The following CNTNAP2 variants were observed in gnomAD, a reference collection of about 807,000 sequenced individuals.
CNTNAP2 encodes contactin-associated protein-like 2.
CNTNAP2 carries 98 observed loss-of-function variants against 155.2 expected under a neutral mutation model. The ratio of observed to expected loss-of-function variants is 0.63; its 90% CI spans 0.54 to 0.75. CNTNAP2 has a LOEUF of 0.75. CNTNAP2 is among the 30% of genes least tolerant of loss of function. The pLI is 0.00. For synonymous variants in CNTNAP2, 651 were observed against 631.2 expected (o/e 1.03, Z -0.47); for missense variants, 1,727 against 1,688.1 (o/e 1.02, Z -0.40).
chr7:146,901,977 G>A (rs1416659726), intron 3 of CNTNAP2, among the ~76,000 whole-genome samples: 3 of 145,088 alleles, frequency 2.1e-5, no homozygotes, highest in African/African-American at 2.5e-5. Context: ...CCGGGTTCAC[G>A]CCATTCTCCT....
intron 1 of CNTNAP2, among the ~76,000 whole-genome samples, chr7:146,549,867 C>G (rs1798088610): frequency 6.6e-6 from 1 of 152,034 alleles, no homozygotes; most frequent in Non-Finnish European, 1.5e-5. Flanking sequence ...CATATATCAA[C>G]CTCCCTGTCA....
At chr7:147,337,205 T>A (rs1179947356) in intron 9 of CNTNAP2, among the ~76,000 whole-genome samples, 1 of 152,026 alleles carries the variant, frequency 6.6e-6, no homozygotes, top group Non-Finnish European at 1.5e-5. Flanking sequence ...AAGGGAAGGT[T>A]AGGATGTATG....
chr7:146,700,874 G>T (rs570229810), intron 1 of CNTNAP2, among the ~76,000 whole-genome samples: 115 of 152,172 alleles, frequency 7.6e-4, no homozygotes, highest in Non-Finnish European at 1.4e-3. Flanking sequence ...AAATACTGCA[G>T]ACTCAATATA....
chr7:146,819,599 T>C (rs1397746588), intron 2 of CNTNAP2, among the ~76,000 whole-genome samples: 1 of 152,170 alleles, frequency 6.6e-6, no homozygotes, highest in Non-Finnish European at 1.5e-5. Context: ...ATTCAGCTAC[T>C]GATGACTCCT....
chr7:146,227,735 A>G (rs1359353350), intron 1 of CNTNAP2, among the ~76,000 whole-genome samples: 1 of 152,122 alleles, frequency 6.6e-6, no homozygotes, highest in Non-Finnish European at 1.5e-5. Context: ...TTCAGGGATA[A>G]TAGAGAGAGG....
At chr7:147,181,145 A>G (rs1676790852) in intron 8 of CNTNAP2, among the ~76,000 whole-genome samples, 1 of 152,196 alleles carries the variant, frequency 6.6e-6, no homozygotes, top group South Asian at 2.1e-4. Flanking sequence ...TTCATGATAA[A>G]GCTGACTTTA....
intron 14 of CNTNAP2, among the ~76,000 whole-genome samples, chr7:147,971,126 G>A (rs115090767): frequency 0.023 from 3,454 of 152,138 alleles, 127 homozygotes; most frequent in African/African-American, 0.079. Context: ...TGTAGTCCCT[G>A]GTTCATAGTC....
intron 1 of CNTNAP2, among the ~76,000 whole-genome samples, chr7:146,168,300 G>A (rs995801829): frequency 2.0e-5 from 3 of 151,746 alleles, no homozygotes; most frequent in Non-Finnish European, 4.4e-5. Flanking sequence ...ATATAATATT[G>A]GAAATGTATG....
chr7:147,912,162 G>A (rs1307129972), intron 14 of CNTNAP2, among the ~76,000 whole-genome samples: 4 of 152,178 alleles, frequency 2.6e-5, no homozygotes, highest in South Asian at 2.1e-4. Context: ...GGCACTCACA[G>A]CTACCTCACA....
chr7:146,770,290 G>T (rs573612017), intron 1 of CNTNAP2, among the ~76,000 whole-genome samples: 81 of 141,550 alleles, frequency 5.7e-4, no homozygotes, highest in African/African-American at 2.1e-3. Context: ...GTAGCGAAAT[G>T]GAATTATATA....
intron 13 of CNTNAP2, among the ~76,000 whole-genome samples, chr7:147,861,847 G>A (rs1416122854): frequency 2.0e-5 from 3 of 151,654 alleles, no homozygotes; most frequent in South Asian, 4.2e-4. Context: ...AAAACCCCAT[G>A]TCTAATAAAA....
At chr7:147,442,401 G>A (rs1797657431) in intron 10 of CNTNAP2, among the ~76,000 whole-genome samples, 1 of 152,138 alleles carries the variant, frequency 6.6e-6, no homozygotes, top group Non-Finnish European at 1.5e-5. Flanking sequence ...CATCCTTCAG[G>A]GAAGTGGGCT....
At chr7:147,113,540 C>A (rs1302313844) in intron 5 of CNTNAP2, among the ~76,000 whole-genome samples, 1 of 152,036 alleles carries the variant, frequency 6.6e-6, no homozygotes, top group African/African-American at 2.4e-5. Context: ...CAAACACATC[C>A]TTCTTCACAT....
At chr7:146,334,102 G>T (rs1042090423) in intron 1 of CNTNAP2, among the ~76,000 whole-genome samples, 7 of 152,142 alleles carry the variant, frequency 4.6e-5, no homozygotes, top group African/African-American at 1.4e-4. Context: ...GTAGGCAAGA[G>T]GCATAGAGAA....
chr7:147,044,096 T>C, intron 4 of CNTNAP2, 42 bp downstream of exon 4: 5 of 1,609,210 alleles, frequency 3.1e-6, no homozygotes, highest in Non-Finnish European at 4.3e-6. Flanking sequence ...GTTTTATCTT[T>C]ATTTAAATAG....
rs1274501115 is a variant in CNTNAP2 at position 147,642,141 on chromosome 7, TG to T, written c.2098+2836del. 8.5e-5 allele frequency among the ~76,000 whole-genome samples: 13 copies of T among 152,262 alleles called. 1 individual carries two copies. Among genetic ancestry groups the T allele is most frequent in the Admixed American group, 5.2e-4 (8 of 15,300 alleles). On this transcript the variant is annotated intron_variant, in intron 13 of 23. Coordinates refer to ENST00000361727, the MANE Select transcript of CNTNAP2 (RefSeq NM_014141.6). ...TCATCAGCTTGTCTTCACTGTTTCA[TG>T]AGCGGCTGCTCCTTATTGAAGCCCT...
intron 13 of CNTNAP2, among the ~76,000 whole-genome samples, chr7:147,688,659 A>G (rs1796048459): frequency 6.6e-6 from 1 of 152,184 alleles, no homozygotes; most frequent in Non-Finnish European, 1.5e-5. Context: ...GAGGTTCCAT[A>G]CCAGCGAGCC....
At chr7:146,354,423 T>TG (rs1563052142) in intron 1 of CNTNAP2, among the ~76,000 whole-genome samples, 9 of 151,136 alleles carry the variant, frequency 6.0e-5, no homozygotes, top group African/African-American at 1.5e-4. Flanking sequence ...TTTTTTTTTT[T>TG]TTTTTGTTTG....
intron 15 of CNTNAP2, among the ~76,000 whole-genome samples, chr7:148,105,514 A>C (rs1437043228): frequency 2.0e-5 from 3 of 152,206 alleles, no homozygotes; most frequent in African/African-American, 7.2e-5. Context: ...ATATTCTGCA[A>C]GCTATTTGGA....
Sources: allele counts gnomAD v4.1 joint callset (sites outside exome capture counted in the v4.1 genomes callset), GRCh38; gene constraint gnomAD v4.1.1; transcripts MANE v1.5; gene names NCBI Gene and HGNC (gene_info 2026-07-23, HGNC 2026-07-21).